The following CHCHD3 variants were observed in gnomAD, a reference collection of about 807,000 sequenced individuals.
The protein encoded by CHCHD3 is coiled-coil-helix-coiled-coil-helix domain containing 3.
A neutral mutation model predicts 38.2 loss-of-function variants in CHCHD3; 20 were observed. The ratio of observed to expected loss-of-function variants is 0.52; its 90% CI spans 0.37 to 0.76. CHCHD3 has a LOEUF of 0.76. Ranked by LOEUF, CHCHD3 falls within the 30% of genes least tolerant of loss-of-function variation. CHCHD3 has a pLI of 0.00. For missense variants in CHCHD3, 245 were observed against 279.2 expected, an observed-to-expected ratio of 0.88 and a Z score of 0.87; for synonymous variants, 82 against 100.0, an observed-to-expected ratio of 0.82 and a Z score of 1.07.
chr7:132,879,716 TAAAAAAAAAAAAA>T (rs56259114), intron 5 of CHCHD3, among the ~76,000 whole-genome samples: 18 of 38,430 alleles, frequency 4.7e-4, no homozygotes, highest in Middle Eastern at 0.062. Context: ...TTGTCAAAAG[TAAAAAAAAAAAAA>T]AAAAAAAAAA....
intron 4 of CHCHD3, among the ~76,000 whole-genome samples, chr7:132,935,650 G>C (rs1484425024): frequency 6.6e-6 from 1 of 152,168 alleles, no homozygotes; most frequent in Non-Finnish European, 1.5e-5. Context: ...GTTTGGCATA[G>C]TAGCCCAGAG....
chr7:132,949,349 C>G (rs1300081818), intron 4 of CHCHD3, among the ~76,000 whole-genome samples: 2 of 152,098 alleles, frequency 1.3e-5, no homozygotes, highest in African/African-American at 4.8e-5. Context: ...ACGCCTATTT[C>G]CTGCTCCCCT....
At chr7:133,064,275 T>C (rs1460002043) in intron 2 of CHCHD3, among the ~76,000 whole-genome samples, 2 of 152,244 alleles carry the variant, frequency 1.3e-5, no homozygotes, top group Non-Finnish European at 2.9e-5. Context: ...GAGCAGAATA[T>C]GCTGACTTAG....
intron 5 of CHCHD3, among the ~76,000 whole-genome samples, chr7:132,882,009 T>G (rs1464768535): frequency 6.6e-6 from 1 of 152,192 alleles, no homozygotes; most frequent in Non-Finnish European, 1.5e-5. Flanking sequence ...TACAGAAATG[T>G]GCAAAAGACA....
At chr7:132,893,941 T>C (rs903184953) in intron 4 of CHCHD3, among the ~76,000 whole-genome samples, 4 of 152,182 alleles carry the variant, frequency 2.6e-5, no homozygotes, top group Non-Finnish European at 4.4e-5. Flanking sequence ...TTTATAGCAG[T>C]GTGAAAATGG....
intron 5 of CHCHD3, among the ~76,000 whole-genome samples, chr7:132,874,668 C>G (rs1808853173): frequency 6.6e-6 from 1 of 152,160 alleles, no homozygotes; most frequent in Admixed American, 6.5e-5. Flanking sequence ...GGTTAATGGG[C>G]ATGGTGCTGA....
chr7:132,899,123 G>A (rs1389288452), intron 4 of CHCHD3, among the ~76,000 whole-genome samples: 2 of 152,226 alleles, frequency 1.3e-5, no homozygotes, highest in East Asian at 1.9e-4. Context: ...AGGAGGCGCC[G>A]AGAGCGAGCG....
rs934777728 is a variant in CHCHD3, at chr7:133,010,377, T to C, written c.251+14169A>G. Among the ~76,000 whole-genome samples, 12 of 152,180 alleles carry C rather than the reference T, an allele frequency of 7.9e-5. No individual in the cohort carries two copies. The South Asian group carries it at 2.3e-3, about 29-fold the overall frequency. On this transcript the variant is annotated intron_variant, in intron 3 of 7. Transcript: ENST00000262570. ...TTCAGAGCTAATATATACAAATATA[T>C]GCACAGCGCACAGTACACAGTGGAC... is the stretch of plus-strand genomic sequence containing the variant.
At chr7:132,853,421 G>C (rs1010422242) in intron 5 of CHCHD3, among the ~76,000 whole-genome samples, 8 of 152,110 alleles carry the variant, frequency 5.3e-5, no homozygotes, top group Non-Finnish European at 8.8e-5. Flanking sequence ...AGGAGTTCGA[G>C]ACCATCCTGG....
chr7:132,915,722 A>C (rs1810084955), intron 4 of CHCHD3, among the ~76,000 whole-genome samples: 1 of 152,116 alleles, frequency 6.6e-6, no homozygotes, highest in African/African-American at 2.4e-5. Context: ...TTTCTTCTCA[A>C]GATAATTCAT....
chr7:132,807,233 G>A (rs1031623061), intron 6 of CHCHD3, among the ~76,000 whole-genome samples: 4 of 152,204 alleles, frequency 2.6e-5, no homozygotes, highest in African/African-American at 9.6e-5. Flanking sequence ...CTGAGCAGGT[G>A]TAGGGGACCC....
chr7:132,927,869 T>C (rs1810413334), intron 4 of CHCHD3, among the ~76,000 whole-genome samples: 1 of 152,228 alleles, frequency 6.6e-6, no homozygotes, highest in African/African-American at 2.4e-5. Context: ...ATCTTACCTG[T>C]GAAGTATCTC....
At chr7:132,795,359 C>T (rs1190469444) in intron 7 of CHCHD3, among the ~76,000 whole-genome samples, 4 of 152,090 alleles carry the variant, frequency 2.6e-5, no homozygotes, top group South Asian at 2.1e-4. Context: ...TACCAAAGAC[C>T]TTTAATGAAA....
chr7:132,997,950 AAAAT>A (rs1812469981), intron 3 of CHCHD3, among the ~76,000 whole-genome samples: 2 of 152,238 alleles, frequency 1.3e-5, no homozygotes, highest in South Asian at 2.1e-4. Context: ...AATAATTTTA[AAAAT>A]AAATAAATAC....
At chr7:132,834,092 C>G (rs1436827749) in intron 6 of CHCHD3, among the ~76,000 whole-genome samples, 1 of 152,148 alleles carries the variant, frequency 6.6e-6, no homozygotes, top group African/African-American at 2.4e-5. Flanking sequence ...GCTGGTCATA[C>G]AGATAGGAGC....
chr7:132,827,707 A>T (rs772208679), intron 6 of CHCHD3, among the ~76,000 whole-genome samples: 5 of 152,088 alleles, frequency 3.3e-5, no homozygotes, highest in Non-Finnish European at 7.4e-5. Flanking sequence ...TTCCAATCAA[A>T]TCTCCTCTAT....
chr7:132,948,260 G>A (rs1193557432), intron 4 of CHCHD3, among the ~76,000 whole-genome samples: 3 of 152,016 alleles, frequency 2.0e-5, no homozygotes, highest in Admixed American at 6.6e-5. Flanking sequence ...ACTGCTGGCT[G>A]TTTCCAAAAA....
At chr7:132,826,034 T>G (rs1388193798) in intron 6 of CHCHD3, among the ~76,000 whole-genome samples, 1 of 152,212 alleles carries the variant, frequency 6.6e-6, no homozygotes, top group African/African-American at 2.4e-5. Context: ...GTATGCTACC[T>G]TCGACATTCC....
chr7:132,891,798 T>C (rs1809368447), intron 4 of CHCHD3, among the ~76,000 whole-genome samples: 1 of 152,204 alleles, frequency 6.6e-6, no homozygotes, highest in Non-Finnish European at 1.5e-5. Flanking sequence ...CCCCCTGCTA[T>C]TCTTGTGATA....
Sources: allele counts gnomAD v4.1 joint callset (sites outside exome capture counted in the v4.1 genomes callset), GRCh38; gene constraint gnomAD v4.1.1; transcripts MANE v1.5; gene names NCBI Gene and HGNC (gene_info 2026-07-23, HGNC 2026-07-21).